The following TAFA1 variants were observed in gnomAD, a reference collection of about 807,000 sequenced individuals.
TAFA1 encodes TAFA chemokine like family member 1.
In TAFA1, 4 loss-of-function variants were observed where a neutral mutation model predicts 18.5. The ratio of observed to expected loss-of-function variants is 0.22; its 90% confidence interval spans 0.11 to 0.49. The LOEUF is 0.49. TAFA1 is among the 20% of genes least tolerant of loss of function. The probability of loss-of-function intolerance (pLI) is 0.98; values close to 1 mark genes in which losing one functional copy is unlikely to be tolerated. For missense variants in TAFA1, 147 were observed against 169.0 expected (o/e 0.87, Z 0.72); for synonymous variants, 56 against 55.2 (o/e 1.01, Z -0.06).
At chr3:68,128,786 C>A (rs1388345848) in intron 2 of TAFA1, among the ~76,000 whole-genome samples, 3 of 152,170 alleles carry the variant, frequency 2.0e-5, no homozygotes, top group Non-Finnish European at 4.4e-5. Flanking sequence ...ATTACTCAGG[C>A]TCAGCGAGTT....
At chr3:68,100,547 C>T (rs1177818565) in intron 2 of TAFA1, among the ~76,000 whole-genome samples, 2 of 152,144 alleles carry the variant, frequency 1.3e-5, no homozygotes, top group Non-Finnish European at 2.9e-5. Flanking sequence ...TCTGATACTG[C>T]TTGTCAATAC....
chr3:68,049,097 C>T (rs1055560717), intron 2 of TAFA1, among the ~76,000 whole-genome samples: 2 of 152,138 alleles, frequency 1.3e-5, no homozygotes, highest in Non-Finnish European at 1.5e-5. Flanking sequence ...TTTTACTGCA[C>T]ATTTCTAGGG....
intron 2 of TAFA1, chr3:68,145,103 C>A (rs147077082): frequency 2.7e-6 from 3 of 1,108,230 alleles, no homozygotes; most frequent in Non-Finnish European, 2.8e-6. Flanking sequence ...AATTGCTACA[C>A]CCCCAGTGTA....
intron 2 of TAFA1, among the ~76,000 whole-genome samples, chr3:68,215,394 A>T (rs2066645112): frequency 6.6e-6 from 1 of 152,054 alleles, no homozygotes; most frequent in Non-Finnish European, 1.5e-5. Flanking sequence ...AAAGTATATA[A>T]TTTCTGAAAA....
At chr3:68,086,518 T>C (rs936319173) in intron 2 of TAFA1, among the ~76,000 whole-genome samples, 6 of 152,250 alleles carry the variant, frequency 3.9e-5, no homozygotes, top group East Asian at 1.9e-4. Flanking sequence ...TTTTCACTTA[T>C]TCTTATAAAC....
chr3:68,464,157 C>T (rs1402388307), intron 3 of TAFA1, among the ~76,000 whole-genome samples: 1 of 152,178 alleles, frequency 6.6e-6, no homozygotes, highest in Non-Finnish European at 1.5e-5. Flanking sequence ...ATCAGCTGAG[C>T]ACCTACCATG....
intron 2 of TAFA1, among the ~76,000 whole-genome samples, chr3:68,288,196 A>G (rs2068048510): frequency 6.6e-6 from 1 of 152,158 alleles, no homozygotes; most frequent in African/African-American, 2.4e-5. Flanking sequence ...TCCTTGCAGT[A>G]ATAACTTTCC....
intron 2 of TAFA1, among the ~76,000 whole-genome samples, chr3:68,142,958 C>T (rs1336192372): frequency 1.3e-5 from 2 of 150,564 alleles, no homozygotes; most frequent in African/African-American, 4.9e-5. Flanking sequence ...TATAACATGT[C>T]GTGCCCCACT....
At chr3:68,423,549 C>T (rs1403997644) in intron 3 of TAFA1, among the ~76,000 whole-genome samples, 1 of 152,110 alleles carries the variant, frequency 6.6e-6, no homozygotes, top group African/African-American at 2.4e-5. Flanking sequence ...CTTACAGAAA[C>T]ACCCAGTTCA....
At chr3:68,187,338 T>G (rs1383295033) in intron 2 of TAFA1, among the ~76,000 whole-genome samples, 1 of 151,974 alleles carries the variant, frequency 6.6e-6, no homozygotes, top group Non-Finnish European at 1.5e-5. Context: ...AATAAAACAT[T>G]GTCAGACTTA....
chr3:68,095,533 C>G (rs1271509019), intron 2 of TAFA1, among the ~76,000 whole-genome samples: 1 of 151,954 alleles, frequency 6.6e-6, no homozygotes, highest in Non-Finnish European at 1.5e-5. Context: ...GAGTTTTCAC[C>G]CAAAAATTCT....
chr3:68,008,842 CTCT>C (rs747681150), intron 2 of TAFA1, among the ~76,000 whole-genome samples: 42 of 152,116 alleles, frequency 2.8e-4, no homozygotes, highest in Non-Finnish European at 5.0e-4. Flanking sequence ...CCACCTGAGT[CTCT>C]GTCACTTAAG....
rs1314955517 is a variant in TAFA1 at position 68,290,652 on chromosome 3, TAAA to T, written c.119-126625_119-126623del. On this transcript the variant is annotated intron_variant, in intron 2 of 4. Coordinates refer to ENST00000478136, the MANE Select transcript of TAFA1 (RefSeq NM_213609.4). ...CCTAATTACCTTACTATCCTATAGT[TAAA>T]AACACTTTAATACTATAGCAATTCT... is the stretch of plus-strand genomic sequence containing the variant. 2.0e-5 allele frequency among the ~76,000 whole-genome samples: 3 copies of T among 152,116 alleles called. No homozygotes were observed. In the East Asian group the frequency reaches 5.8e-4, roughly 29 times the overall value.
Position 68,397,229 on chromosome 3 carries a change from G to A in TAFA1, c.119-20051G>A, listed in dbSNP as rs780149262. Among the ~76,000 whole-genome samples the A allele has an allele frequency of 9.2e-5, 14 of 151,954 alleles. No individual in the cohort carries two copies. In the South Asian group the frequency reaches 1.0e-3, roughly 11 times the overall value. ...TACATAGGTATGCATCTGCCATGGT[G>A]GGTTGCTGCACCCATCAACCCATCA... On this transcript the variant is annotated intron_variant, in intron 2 of 4. Transcript: ENST00000478136.
At chr3:68,540,789 CA>C (rs112338373) in intron 4 of TAFA1, among the ~76,000 whole-genome samples, 1 of 151,962 alleles carries the variant, frequency 6.6e-6, no homozygotes, top group South Asian at 2.1e-4. Flanking sequence ...ACAAACAAAA[CA>C]AAAAAACAGA....
At chr3:68,040,025 A>C (rs1409773090) in intron 2 of TAFA1, among the ~76,000 whole-genome samples, 1 of 152,234 alleles carries the variant, frequency 6.6e-6, no homozygotes, top group Admixed American at 6.5e-5. Flanking sequence ...CAGCAGTCAC[A>C]GACATGCACA....
At chr3:68,504,845 A>T (rs1230298693) in intron 3 of TAFA1, among the ~76,000 whole-genome samples, 1 of 152,140 alleles carries the variant, frequency 6.6e-6, no homozygotes, top group Admixed American at 6.6e-5. Flanking sequence ...ATGTACCATG[A>T]CCCTTTCAAA....
intron 3 of TAFA1, among the ~76,000 whole-genome samples, chr3:68,471,003 C>T (rs976710629): frequency 5.9e-5 from 9 of 152,128 alleles, no homozygotes; most frequent in African/African-American, 2.2e-4. Flanking sequence ...CTGTGTGCCA[C>T]CTCAGGACTT....
chr3:68,415,181 G>A (rs747508172), intron 2 of TAFA1, among the ~76,000 whole-genome samples: 2 of 151,996 alleles, frequency 1.3e-5, no homozygotes, highest in Non-Finnish European at 2.9e-5. Context: ...CTTCTCCTTC[G>A]CTACCTTGTA....
Sources: allele counts gnomAD v4.1 joint callset (sites outside exome capture counted in the v4.1 genomes callset), GRCh38; gene constraint gnomAD v4.1.1; transcripts MANE v1.5; gene names NCBI Gene and HGNC (gene_info 2026-07-23, HGNC 2026-07-21).